Variants in NPM1 observed in about 807,000 individuals in gnomAD.
NPM1 encodes the protein nucleophosmin.
Under a neutral mutation model 44.1 loss-of-function variants are expected in NPM1, and 1 was observed. The observed-to-expected ratio is 0.02, with a 90% CI of 0.01 to 0.11. NPM1 has a LOEUF of 0.11. NPM1 is among the 10% of genes least tolerant of loss of function. The pLI, the probability that NPM1 is intolerant of heterozygous loss-of-function variation, is 1.00. For missense variants in NPM1, 197 were observed against 347.8 expected (o/e 0.57, Z 3.45); for synonymous variants, 126 against 111.8 (o/e 1.13, Z -0.80).
At chr5:171,387,830 A>T (rs374925391), upstream of NPM1, 2 of 941,564 alleles carry the variant, frequency 2.1e-6, no homozygotes, top group African/African-American at 3.2e-5. Flanking sequence ...TCTATATATA[A>T]GCGCGGGGAG....
chr5:171,408,634 G>T (rs575989748), intron 10 of NPM1, among the ~76,000 whole-genome samples: 2 of 152,168 alleles, frequency 1.3e-5, no homozygotes, highest in African/African-American at 4.8e-5. Flanking sequence ...AGATGATCAG[G>T]TTCAGTCTTT....
chr5:171,399,732 T>C (rs1771094643), intron 6 of NPM1, among the ~76,000 whole-genome samples: 1 of 152,044 alleles, frequency 6.6e-6, no homozygotes, highest in South Asian at 2.1e-4. Flanking sequence ...TTAATAGAAC[T>C]ATACATTACT....
At chr5:171,408,520 TC>T (rs1334885169) in intron 10 of NPM1, among the ~76,000 whole-genome samples, 1 of 152,208 alleles carries the variant, frequency 6.6e-6, no homozygotes, top group African/African-American at 2.4e-5. Flanking sequence ...ATTTTGCACT[TC>T]AATTATTTAA....
intron 2 of NPM1, 72 bp downstream of exon 2, chr5:171,390,202 T>G: frequency 1.2e-6 from 1 of 866,732 alleles, no homozygotes; most frequent in Non-Finnish European, 1.8e-6. Flanking sequence ...TCATGTGGCT[T>G]GAGACTTTTT....
chr5:171,391,295 T>C lies in NPM1; in HGVS notation c.139-10T>C, dbSNP rs778330876. The C allele has an allele frequency of 1.9e-6, 3 of 1,602,012 alleles. No individual in the cohort carries two copies. Among genetic ancestry groups the C allele is most frequent in the Non-Finnish European group, 2.6e-6 (3 of 1,175,666 alleles). ...CAAAAGTTGAAGTAGTATTTTTTTT[T>C]TGTTCACAGGTCAGTTTAGGGGCTG... On this transcript the variant is annotated splice_polypyrimidine_tract_variant and intron_variant, in intron 2 of 10. Transcript: ENST00000296930.
At chr5:171,387,845 C>T (rs148722569), upstream of NPM1, 1,775 of 1,073,314 alleles carry the variant, frequency 1.7e-3, 16 homozygotes, top group African/African-American at 0.022. Flanking sequence ...GGGGAGCCTG[C>T]GTCCTTTCCC....
chr5:171,396,560 T>TA (rs1770895916), intron 6 of NPM1, among the ~76,000 whole-genome samples: 1 of 152,236 alleles, frequency 6.6e-6, no homozygotes, highest in African/African-American at 2.4e-5. Context: ...AGGTGTTTCT[T>TA]ACATGAAGTT....
At chr5:171,406,705 CAAT>C (rs1771591177) in intron 9 of NPM1, 4 of 1,200,348 alleles carry the variant, frequency 3.3e-6, no homozygotes, top group Non-Finnish European at 4.1e-6. Context: ...CTTAGCTGCT[CAAT>C]AAATATTTGA....
chr5:171,408,949 G>A (rs1445336536), intron 10 of NPM1, among the ~76,000 whole-genome samples: 1 of 152,002 alleles, frequency 6.6e-6, no homozygotes, highest in Non-Finnish European at 1.5e-5. Flanking sequence ...ACAAAGTCTT[G>A]TAGCTATTAA....
Position 171,400,307 on chromosome 5 carries a change from T to TGGGAGACCATCTCATACTGA in NPM1, c.582+103_582+104insCCATCTCATACTGAGGGAGA, listed in dbSNP as rs1554136985. 82 of 1,234,432 alleles carry TGGGAGACCATCTCATACTGA rather than the reference T, an allele frequency of 6.6e-5. No individual in the cohort carries two copies. In the East Asian group the frequency reaches 9.6e-4, roughly 14 times the overall value. 76.5% of individuals were successfully genotyped at this position (1,234,432 alleles called of 1,614,324 possible). ...GTTTTGTAGTTAAGGGAAGCTGGTG[T>TGGGAGACCATCTCATACTGA]GGGAGATCATCTCATACTGAAAATT... On this transcript the variant is annotated intron_variant, in intron 7 of 10. Transcript: ENST00000296930.
intron 6 of NPM1, among the ~76,000 whole-genome samples, chr5:171,394,041 CTTTTTTTTTTTT>C (rs144186175): frequency 1.0e-5 from 1 of 97,080 alleles, no homozygotes; most frequent in Non-Finnish European, 2.1e-5. Context: ...TTTTTGTTTT[CTTTTTTTTTTTT>C]TTTTTTTTTG....
intron 9 of NPM1, chr5:171,406,400 C>A (rs1332919631): frequency 1.9e-6 from 3 of 1,612,774 alleles, no homozygotes; most frequent in Non-Finnish European, 2.5e-6. Flanking sequence ...ATTGCAGGCG[C>A]ATTGAACAGT....
At chr5:171,388,062 T>TGGGGGTTTGGGG in intron 1 of NPM1, 56 bp downstream of exon 1, 1 of 531,424 alleles carries the variant, frequency 1.9e-6, no homozygotes, top group Non-Finnish European at 3.6e-6. Context: ...GCGGTGAGGG[T>TGGGGGTTTGGGG]GGGGGTGAGG....
intron 1 of NPM1, 50 bp downstream of exon 1, chr5:171,388,056 TGAGG>T: frequency 2.9e-6 from 3 of 1,042,230 alleles, no homozygotes; most frequent in Admixed American, 1.9e-5. Context: ...CTGGTGGCGG[TGAGG>T]GTGGGGGTGA....
chr5:171,390,184 G>A, intron 2 of NPM1, 54 bp downstream of exon 2: 1 of 1,051,866 alleles, frequency 9.5e-7, no homozygotes, highest in Non-Finnish European at 1.4e-6. Flanking sequence ...CAGCCTTTTA[G>A]TTTCTATTCA....
At chr5:171,391,532 T>G in intron 3 of NPM1, 108 bp downstream of exon 3, 1 of 1,411,842 alleles carries the variant, frequency 7.1e-7, no homozygotes, top group Non-Finnish European at 9.8e-7. Context: ...GTTCTTTATC[T>G]TCTGTCACTG....
intron 9 of NPM1, among the ~76,000 whole-genome samples, chr5:171,406,083 TCTATGAATAATACTTTTAGA>T (rs1357144031): frequency 1.2e-4 from 19 of 152,144 alleles, no homozygotes; most frequent in Admixed American, 1.2e-3. Flanking sequence ...AAGCTTTAAT[TCTATGAATAATACTTTTAGA>T]CTCCAACTAT....
At chr5:171,403,866 A>AC (rs1339249406) in intron 8 of NPM1, among the ~76,000 whole-genome samples, 1 of 33,528 alleles carries the variant, frequency 3.0e-5, no homozygotes, top group African/African-American at 1.1e-4. Flanking sequence ...CGGAGGGCTG[A>AC]CCCCCCCACC....
intron 5 of NPM1, 48 bp from the exon 6 acceptor site, chr5:171,392,866 G>T (rs370479904): frequency 1.2e-6 from 2 of 1,612,840 alleles, no homozygotes; most frequent in South Asian, 1.1e-5. Flanking sequence ...TTTTAGTTTG[G>T]TGATAGAACA....
Sources: allele counts gnomAD v4.1 joint callset (sites outside exome capture counted in the v4.1 genomes callset), GRCh38; gene constraint gnomAD v4.1.1; transcripts MANE v1.5; gene names NCBI Gene and HGNC (gene_info 2026-07-23, HGNC 2026-07-21).